The following KIAA0825 variants were observed in gnomAD, a reference collection of about 807,000 sequenced individuals.
The protein encoded by KIAA0825 is uncharacterized protein KIAA0825.
A neutral mutation model predicts 147.6 loss-of-function variants in KIAA0825; 119 were observed. The ratio of observed to expected loss-of-function variants is 0.81; its 90% confidence interval spans 0.69 to 0.94. The LOEUF (loss-of-function observed/expected upper bound fraction) is 0.94, where lower values mean the gene tolerates loss of function less well. Among genes scored for constraint, KIAA0825 ranks in the 40% least tolerant of loss-of-function variants. The pLI, the probability that KIAA0825 is intolerant of heterozygous loss-of-function variation, is 0.00. For synonymous variants in KIAA0825, 470 were observed against 518.1 expected (o/e 0.91, Z 1.26); for missense variants, 1,381 against 1,472.7 (o/e 0.94, Z 1.02).
intron 20 of KIAA0825, among the ~76,000 whole-genome samples, chr5:94,299,402 T>A (rs546764089): frequency 6.6e-6 from 1 of 151,038 alleles, no homozygotes; most frequent in Non-Finnish European, 1.5e-5. Flanking sequence ...TTTTTTTTTT[T>A]AGAGATGGGG....
At chr5:94,243,468 G>A (rs903755706) in intron 20 of KIAA0825, among the ~76,000 whole-genome samples, 1 of 152,174 alleles carries the variant, frequency 6.6e-6, no homozygotes, top group Admixed American at 6.5e-5. Context: ...CTTATAGGTA[G>A]TTGTTAAGAT....
At position 94,278,865 on chromosome 5, in the gene KIAA0825, T is replaced by C. The variant is rs866115893; in HGVS notation, c.3710+105503A>G. ...TAAATTTCAATTCTGTTCCCCCATA[T>C]GTGGGTCTCTTTATGGGAAGTCATT... On this transcript the variant is annotated intron_variant, in intron 20 of 20. Coordinates refer to ENST00000682413, the MANE Select transcript of KIAA0825 (RefSeq NM_001145678.3). Among the ~76,000 whole-genome samples the C allele has an allele frequency of 2.0e-5, 3 of 152,236 alleles. No individual in the cohort carries two copies. The South Asian group carries it at 6.2e-4, about 32-fold the overall frequency.
intron 14 of KIAA0825, among the ~76,000 whole-genome samples, chr5:94,430,883 A>C (rs1755571707): frequency 6.6e-6 from 1 of 152,206 alleles, no homozygotes; most frequent in South Asian, 2.1e-4. Flanking sequence ...AAAGATTCTC[A>C]AGGAGTCCTA....
chr5:94,215,412 A>G (rs1030277880), intron 20 of KIAA0825, among the ~76,000 whole-genome samples: 3 of 152,230 alleles, frequency 2.0e-5, no homozygotes, highest in African/African-American at 4.8e-5. Context: ...AAGGGATTCA[A>G]CAGAACAAAG....
chr5:94,583,883 G>A (rs1035055774), intron 1 of KIAA0825, among the ~76,000 whole-genome samples: 4 of 152,148 alleles, frequency 2.6e-5, no homozygotes, highest in African/African-American at 9.7e-5. Context: ...GTGATACACA[G>A]GCGAACAGGA....
At chr5:94,509,267 C>G (rs946896479) in intron 5 of KIAA0825, among the ~76,000 whole-genome samples, 1 of 152,092 alleles carries the variant, frequency 6.6e-6, no homozygotes, top group Non-Finnish European at 1.5e-5. Flanking sequence ...TTCTGGTTCC[C>G]TTTTTGTGTC....
intron 2 of KIAA0825, among the ~76,000 whole-genome samples, chr5:94,581,261 G>C (rs1375304187): frequency 6.6e-6 from 1 of 152,160 alleles, no homozygotes; most frequent in East Asian, 1.9e-4. Flanking sequence ...CTTGTTATTT[G>C]GGTTTACATT....
intron 20 of KIAA0825, among the ~76,000 whole-genome samples, chr5:94,254,201 T>A (rs1171454906): frequency 6.6e-6 from 1 of 152,136 alleles, no homozygotes; most frequent in Non-Finnish European, 1.5e-5. Flanking sequence ...TCAAACTAAT[T>A]TTTATGGTTA....
intron 20 of KIAA0825, among the ~76,000 whole-genome samples, chr5:94,352,609 C>T (rs1783800854): frequency 6.6e-6 from 1 of 152,196 alleles, no homozygotes; most frequent in South Asian, 2.1e-4. Context: ...TCGAAAAAGA[C>T]ACTTGCACAC....
intron 20 of KIAA0825, among the ~76,000 whole-genome samples, chr5:94,377,437 A>G (rs935373237): frequency 6.6e-6 from 1 of 152,342 alleles, no homozygotes; most frequent in East Asian, 1.9e-4. Context: ...AAACAATATC[A>G]AAATGTCAAT....
chr5:94,156,542 A>G (rs72771615), intron 20 of KIAA0825, among the ~76,000 whole-genome samples: 9 of 152,338 alleles, frequency 5.9e-5, no homozygotes, highest in Non-Finnish European at 1.0e-4. Flanking sequence ...GTGAAAATTG[A>G]AAGTAGTCTC....
rs1049598759 is a variant in KIAA0825 at position 94,473,411 on chromosome 5, G to T, written c.1336C>A (p.Gln446Lys). 25 of 1,551,868 alleles carry T rather than the reference G, an allele frequency of 1.6e-5. No homozygotes were observed. In the Middle Eastern group the frequency reaches 2.7e-3, roughly 165 times the overall value. ...GCTGAAGACCTTTCATTCTGTTCCT[G>T]TTGGAGAATTTTTGTGGAAAAACCT... is the stretch of plus-strand genomic sequence containing the variant. ...IEGFSTKILQ[Q>K]EQNERSSAVS... Residue 446 changes from glutamine (Q) to lysine (K), a missense_variant, in exon 8 of 21, where the codon CAG becomes AAG. By Grantham distance (53) the Gln-to-Lys change is moderately conservative. Transcript: ENST00000682413.
At chr5:94,388,226 G>A (rs1423267085) in intron 18 of KIAA0825, among the ~76,000 whole-genome samples, 1 of 152,162 alleles carries the variant, frequency 6.6e-6, no homozygotes, top group Non-Finnish European at 1.5e-5. Flanking sequence ...TAATGCTGCT[G>A]CTGATATGAC....
Position 94,462,392 on chromosome 5 carries a change from TA to T in KIAA0825, c.2240del (p.Leu747TyrfsTer17). ...LVILTSPLTE[L>X]YKTFQHGLDE... The stretch of plus-strand genomic sequence containing the variant: ...AAAATACATTTGATACTTACTTATA[TA>T]ATTCTGTTAATGGTGAAGTCAAAAT... On this transcript the variant is annotated frameshift_variant, in exon 12 of 21. Coordinates refer to ENST00000682413, the MANE Select transcript of KIAA0825 (RefSeq NM_001145678.3). LOFTEE classifies it high-confidence loss of function. 1 of 1,382,796 alleles carries T rather than the reference TA, an allele frequency of 7.2e-7. No homozygotes were observed. Among genetic ancestry groups the T allele is most frequent in the Non-Finnish European group, 9.9e-7 (1 of 1,014,116 alleles). 85.7% of individuals were successfully genotyped at this position (1,382,796 alleles called of 1,614,324 possible). A position where few individuals can be genotyped will look rare whatever the true frequency, so the allele number is the denominator to read the frequency against.
chr5:94,493,957 G>C (rs1764036423), intron 5 of KIAA0825, among the ~76,000 whole-genome samples: 1 of 152,126 alleles, frequency 6.6e-6, no homozygotes, highest in Non-Finnish European at 1.5e-5. Context: ...CCACGTGACA[G>C]GGAGGTTTTC....
chr5:94,527,395 T>C (rs1769530075), intron 3 of KIAA0825, among the ~76,000 whole-genome samples: 1 of 151,972 alleles, frequency 6.6e-6, no homozygotes, highest in Non-Finnish European at 1.5e-5. Context: ...TATCCAGTCA[T>C]AAAATAGTTA....
chr5:94,323,023 C>T (rs1158192038), intron 20 of KIAA0825, among the ~76,000 whole-genome samples: 1 of 151,648 alleles, frequency 6.6e-6, no homozygotes, highest in Non-Finnish European at 1.5e-5. Flanking sequence ...TTTGTTACAT[C>T]TGTTTATGGT....
intron 5 of KIAA0825, among the ~76,000 whole-genome samples, chr5:94,515,859 T>C (rs968210379): frequency 1.3e-5 from 2 of 151,950 alleles, no homozygotes; most frequent in African/African-American, 4.8e-5. Context: ...TCAGAAAGCG[T>C]TGCTTTGTAA....
intron 20 of KIAA0825, among the ~76,000 whole-genome samples, chr5:94,379,759 T>C (rs1003104965): frequency 2.0e-5 from 3 of 152,198 alleles, no homozygotes; most frequent in African/African-American, 7.2e-5. Context: ...TTTTCATCTC[T>C]GATTTCTTTG....
Sources: gnomAD v4.1 joint callset for allele counts (sites outside exome capture counted in the v4.1 genomes callset) on GRCh38, gnomAD v4.1.1 for gene constraint, MANE v1.5 for transcripts, NCBI Gene and HGNC (gene_info 2026-07-23, HGNC 2026-07-21) for gene names.